The following DRC11 variants were observed in gnomAD, a reference collection of about 807,000 sequenced individuals.
The protein encoded by DRC11 is dynein regulatory complex subunit 11.
the DRC11 span, among the ~76,000 whole-genome samples, chr2:236,341,959 G>A: frequency 2.5e-4 from 38 of 152,266 alleles, no homozygotes; most frequent in African/African-American, 7.7e-4. Context: ...CACCGCCACC[G>A]GGGTCCTCCT....
chr2:236,505,192 A>C, the DRC11 span, among the ~76,000 whole-genome samples: 1,967 of 152,340 alleles, frequency 0.013, 58 homozygotes, highest in East Asian at 0.12. Context: ...TGAATATGAC[A>C]GTTAAAAAGA....
the DRC11 span, among the ~76,000 whole-genome samples, chr2:236,501,650 G>A: frequency 6.6e-6 from 1 of 152,072 alleles, no homozygotes; most frequent in Non-Finnish European, 1.5e-5. Context: ...GCCCGAGAAG[G>A]GACAGTAAAC....
chr2:236,458,116 C>G, the DRC11 span, among the ~76,000 whole-genome samples: 1 of 152,084 alleles, frequency 6.6e-6, no homozygotes, highest in Non-Finnish European at 1.5e-5. Context: ...GGGCGGGGTA[C>G]AGGGAAGGAG....
the DRC11 span, among the ~76,000 whole-genome samples, chr2:236,473,127 A>G: frequency 6.6e-6 from 1 of 152,248 alleles, no homozygotes; most frequent in African/African-American, 2.4e-5. This position sits in a 1 kb window ranked among gnomAD's most constrained non-coding sequence, Gnocchi z 4.8. Flanking sequence ...AGCAAATATG[A>G]TGAATAATGC....
the DRC11 span, among the ~76,000 whole-genome samples, chr2:236,347,508 C>CTCTCTCTATATATATATATATATATATA: frequency 9.3e-6 from 1 of 107,494 alleles, no homozygotes; most frequent in Non-Finnish European, 2.2e-5. Flanking sequence ...AAAAACTGTG[C>CTCTCTCTATATATATATATATATATATA]TATATATATA....
At chr2:236,414,471 T>G in the DRC11 span, among the ~76,000 whole-genome samples, 1 of 152,192 alleles carries the variant, frequency 6.6e-6, no homozygotes, top group East Asian at 1.9e-4. Flanking sequence ...AACCTCTTAT[T>G]TGAATGTATT....
chr2:236,409,763 A>G, the DRC11 span, among the ~76,000 whole-genome samples: 1 of 152,008 alleles, frequency 6.6e-6, no homozygotes, highest in Admixed American at 6.5e-5. Flanking sequence ...GATAGCCCTT[A>G]TTATTTTGAA....
At chr2:236,474,324 A>G in the DRC11 span, among the ~76,000 whole-genome samples, 1 of 152,196 alleles carries the variant, frequency 6.6e-6, no homozygotes, top group Non-Finnish European at 1.5e-5. Flanking sequence ...CATTCATTTG[A>G]GCTGAGTACA....
At chr2:236,384,421 C>G in the DRC11 span, among the ~76,000 whole-genome samples, 12 of 151,068 alleles carry the variant, frequency 7.9e-5, no homozygotes, top group Admixed American at 2.0e-4. Context: ...GCCAGTGATG[C>G]TGAGCATTTT....
chr2:236,469,060 C>T, the DRC11 span, among the ~76,000 whole-genome samples: 3 of 152,196 alleles, frequency 2.0e-5, no homozygotes, highest in African/African-American at 7.2e-5. This position sits in a 1 kb window ranked among gnomAD's most constrained non-coding sequence, Gnocchi z 5.8. Flanking sequence ...CAAGAAACTT[C>T]CTAACACTTC....
chr2:236,346,767 C>T, the DRC11 span: 4 of 168,222 alleles, frequency 2.4e-5, no homozygotes, highest in Non-Finnish European at 5.9e-5. Flanking sequence ...ACAGCCAGCA[C>T]TAGCGAAAGG....
the DRC11 span, among the ~76,000 whole-genome samples, chr2:236,448,066 TGATTTTGCAGAG>T: frequency 6.6e-6 from 1 of 152,230 alleles, no homozygotes; most frequent in Non-Finnish European, 1.5e-5. This position sits in a 1 kb window ranked among gnomAD's most constrained non-coding sequence, Gnocchi z 5.3. Context: ...TTTAACACAA[TGATTTTGCAGAG>T]GATTTTGTGT....
chr2:236,318,425 A>AT, the DRC11 span, among the ~76,000 whole-genome samples: 2 of 152,052 alleles, frequency 1.3e-5, no homozygotes, highest in East Asian at 3.9e-4. This position sits in a 1 kb window ranked among gnomAD's most constrained non-coding sequence, Gnocchi z 7.0. Context: ...CTACGTGTGC[A>AT]TGCCTGTGTG....
chr2:236,329,305 G>A, the DRC11 span, among the ~76,000 whole-genome samples: 1 of 152,138 alleles, frequency 6.6e-6, no homozygotes, highest in Non-Finnish European at 1.5e-5. Context: ...GGATGTAGAC[G>A]TCCTTGAGGG....
At chr2:236,376,953 A>G in the DRC11 span, 1 of 596,068 alleles carries the variant, frequency 1.7e-6, no homozygotes, top group Non-Finnish European at 3.0e-6. This position sits in a 1 kb window ranked among gnomAD's most constrained non-coding sequence, Gnocchi z 5.7. Flanking sequence ...ATTTGAATCA[A>G]TTCAATCCAA....
chr2:236,503,684 C>T, the DRC11 span: 37 of 1,550,794 alleles, frequency 2.4e-5, no homozygotes, highest in African/African-American at 4.1e-5. The surrounding 1 kb of genome is among the most constrained non-coding windows in gnomAD (Gnocchi z 4.9). Context: ...AGACCCTCTT[C>T]CCTCGAGACT....
At chr2:236,491,013 A>G in the DRC11 span, among the ~76,000 whole-genome samples, 2 of 132,834 alleles carry the variant, frequency 1.5e-5, no homozygotes, top group Admixed American at 7.8e-5. Flanking sequence ...GTGTGTATAT[A>G]TGTGTATATA....
the DRC11 span, among the ~76,000 whole-genome samples, chr2:236,382,467 G>A: frequency 6.6e-6 from 1 of 152,034 alleles, no homozygotes; most frequent in Non-Finnish European, 1.5e-5. Context: ...GAATAAATTT[G>A]TCTATGTCTA....
At chr2:236,416,996 G>A in the DRC11 span, among the ~76,000 whole-genome samples, 1 of 151,588 alleles carries the variant, frequency 6.6e-6, no homozygotes, top group African/African-American at 2.4e-5. Context: ...CTGACCTCAG[G>A]TGATCTGCCT....
Sources: allele counts gnomAD v4.1 joint callset (sites outside exome capture counted in the v4.1 genomes callset), GRCh38; gene constraint gnomAD v4.1.1; non-coding constraint Gnocchi (gnomAD v3.1); transcripts MANE v1.5; gene names NCBI Gene and HGNC (gene_info 2026-07-23, HGNC 2026-07-21).